Variants in UBE3A observed in about 807,000 individuals in gnomAD.
The protein encoded by UBE3A is ubiquitin protein ligase E3A.
In UBE3A, 6 loss-of-function variants were observed where a neutral mutation model predicts 83.4. The ratio of observed to expected loss-of-function variants is 0.07; its 90% confidence interval spans 0.04 to 0.14. The LOEUF (loss-of-function observed/expected upper bound fraction) is 0.14, where lower values mean the gene tolerates loss of function less well. Among genes scored for constraint, UBE3A ranks in the 10% least tolerant of loss-of-function variants. UBE3A has a pLI of 1.00. For synonymous variants in UBE3A, 337 were observed against 355.4 expected (o/e 0.95, Z 0.58); for missense variants, 456 against 1,036.1 (o/e 0.44, Z 7.69).
At chr15:25,377,422 T>C (rs1319262508) in intron 4 of UBE3A, among the ~76,000 whole-genome samples, 1 of 152,214 alleles carries the variant, frequency 6.6e-6, no homozygotes, top group African/African-American at 2.4e-5. Context: ...CATTTTGCTA[T>C]CTATGAAGCT....
intron 1 of UBE3A, among the ~76,000 whole-genome samples, chr15:25,420,285 A>G (rs761946680): frequency 1.3e-5 from 2 of 152,202 alleles, no homozygotes; most frequent in Non-Finnish European, 2.9e-5. Context: ...AAAGACATCA[A>G]TTAATCAAGG....
intron 11 of UBE3A, among the ~76,000 whole-genome samples, chr15:25,351,303 T>C (rs547633076): frequency 6.6e-6 from 1 of 152,160 alleles, no homozygotes; most frequent in East Asian, 1.9e-4. Context: ...GAAGGAGGAA[T>C]AAAGAATTCG....
chr15:25,398,802 TATATATATATATAAAAATAC>T (rs2086337085), intron 4 of UBE3A, among the ~76,000 whole-genome samples: 1 of 65,490 alleles, frequency 1.5e-5, no homozygotes, highest in Non-Finnish European at 3.4e-5. Flanking sequence ...TATATATATA[TATATATATATATAAAAATAC>T]ATATATATCC....
In UBE3A at chr15:25,402,104, T is replaced by C. The variant is rs1281107316; in HGVS notation, c.62+3357A>G. Among the ~76,000 whole-genome samples the C allele has an allele frequency of 2.0e-5, 3 of 152,230 alleles. No individual in the cohort carries two copies. In the East Asian group the frequency reaches 5.8e-4, roughly 29 times the overall value. On this transcript the variant is annotated intron_variant, in intron 4 of 12. Coordinates refer to ENST00000648336, the MANE Select transcript of UBE3A (RefSeq NM_130839.5). Reference sequence around the variant, plus strand: ...TTGACTGGTGTCACGTTTCCCTGACTGTTCTTGATCCCTGTAGTCATGTGT... The same window carrying C: ...TTGACTGGTGTCACGTTTCCCTGACCGTTCTTGATCCCTGTAGTCATGTGT...
intron 4 of UBE3A, among the ~76,000 whole-genome samples, chr15:25,383,855 A>C (rs2152912591): frequency 6.6e-6 from 1 of 152,280 alleles, no homozygotes; most frequent in East Asian, 1.9e-4. Flanking sequence ...GCAACTGGGC[A>C]AGAAAAAGAA....
intron 2 of UBE3A, 147 bp from the exon 3 acceptor site, chr15:25,409,354 A>G (rs1180196011): frequency 2.5e-6 from 1 of 392,790 alleles, no homozygotes; most frequent in Admixed American, 4.0e-5. Context: ...TTTAAGGACT[A>G]TTTTCCAGCA....
chr15:25,339,106 T>C lies in UBE3A; in HGVS notation c.*31A>G, dbSNP rs1298713879. On this transcript the variant is annotated 3_prime_UTR_variant, in exon 13 of 13. Coordinates refer to ENST00000648336, the MANE Select transcript of UBE3A (RefSeq NM_130839.5). ...AAATTTTTTCTTTTTTTTTCCTTCC[T>C]TTTTTTTGTTTTATTTTGTTTTGTT... The C allele has an allele frequency of 6.9e-6, 10 of 1,453,658 alleles. No individual in the cohort carries two copies. In the South Asian group the frequency reaches 1.4e-4, roughly 20 times the overall value. 90.0% of individuals were successfully genotyped at this position (1,453,658 alleles called of 1,614,324 possible).
At chr15:25,428,334 AAG>A (rs1485686602) in intron 1 of UBE3A, among the ~76,000 whole-genome samples, 2 of 152,214 alleles carry the variant, frequency 1.3e-5, no homozygotes, top group African/African-American at 4.8e-5. Flanking sequence ...GCAAATAACA[AAG>A]AGTAACAAAA....
At position 25,354,688 on chromosome 15, in the gene UBE3A, A is replaced by G; in HGVS notation, c.2125-5T>C. ...AGAATAAAGATTGACAAATTCCTGT[A>G]GAAAACATTAATCACAAGAACTTCT... On this transcript the variant is annotated splice_region_variant and splice_polypyrimidine_tract_variant and intron_variant, in intron 9 of 12. Coordinates refer to ENST00000648336, the MANE Select transcript of UBE3A (RefSeq NM_130839.5). 1 of 1,610,856 alleles carries G rather than the reference A, an allele frequency of 6.2e-7. No homozygotes were observed. The highest frequency in any genetic ancestry group is 8.5e-7 in the Non-Finnish European group (1 of 1,178,348).
Position 25,333,737 on chromosome 15 carries a change from A to G in UBE3A, c.*5400T>C, listed in dbSNP as rs2073831266. 6.6e-6 allele frequency: 1 copy of G among 152,208 alleles called. No homozygotes were observed. The highest frequency in any genetic ancestry group is 2.4e-5 in the African/African-American group (1 of 41,436). The allele number at this position is 152,208 out of a possible 1,614,324, so 9.4% of individuals were successfully genotyped here. ...ATACTAGCAAACCAAATCCAGCAGC[A>G]TAGAACAAGGTTTATGTAGCATGGA... On this transcript the variant is annotated 3_prime_UTR_variant, in exon 13 of 13. Coordinates refer to ENST00000648336, the MANE Select transcript of UBE3A (RefSeq NM_130839.5).
chr15:25,336,881 A>G lies in UBE3A; in HGVS notation c.*2256T>C, dbSNP rs1345961659. 4 of 152,192 alleles carry G rather than the reference A, an allele frequency of 2.6e-5. No individual in the cohort carries two copies. The highest frequency in any genetic ancestry group is 2.0e-4 in the Admixed American group (3 of 15,278). 9.4% of individuals were successfully genotyped at this position (152,192 alleles called of 1,614,324 possible). On this transcript the variant is annotated 3_prime_UTR_variant, in exon 13 of 13. Coordinates refer to ENST00000648336, the MANE Select transcript of UBE3A (RefSeq NM_130839.5). The stretch of plus-strand genomic sequence containing the variant: ...TGGGCAAAAAAAGTACTTTTATAAC[A>G]TAACATTTGGGGTAGAGGAAGTATC...
chr15:25,345,611 G>C (rs2075567200), intron 11 of UBE3A: 1 of 142,268 alleles, frequency 7.0e-6, no homozygotes, highest in East Asian at 1.9e-4. Context: ...TAACAGAACA[G>C]AGTGAAACAG....
chr15:25,343,780 A>C (rs901682306), intron 11 of UBE3A, among the ~76,000 whole-genome samples: 1 of 151,738 alleles, frequency 6.6e-6, no homozygotes, highest in Non-Finnish European at 1.5e-5. Context: ...AGTTTCTAAA[A>C]GTGAAGAAAA....
intron 6 of UBE3A, among the ~76,000 whole-genome samples, chr15:25,369,010 A>C (rs1366416094): frequency 6.6e-6 from 1 of 152,162 alleles, no homozygotes; most frequent in Non-Finnish European, 1.5e-5. Flanking sequence ...CCAAACATAA[A>C]GTATGTAGCT....
At chr15:25,374,580 T>C (rs748785467) in intron 5 of UBE3A, 1 of 152,268 alleles carries the variant, frequency 6.6e-6, no homozygotes, top group South Asian at 2.1e-4. Context: ...AATAATTTTA[T>C]TGTGGAAACA....
chr15:25,426,505 G>C (rs966212457), intron 1 of UBE3A, among the ~76,000 whole-genome samples: 15 of 152,226 alleles, frequency 9.9e-5, no homozygotes, highest in South Asian at 8.3e-4. Context: ...AAGAACTAAA[G>C]GTAGGTGGGT....
chr15:25,415,229 T>C (rs903084342), intron 1 of UBE3A, among the ~76,000 whole-genome samples: 6 of 152,212 alleles, frequency 3.9e-5, no homozygotes, highest in Admixed American at 1.3e-4. Context: ...ACTTTGCCAC[T>C]AGAATTATCT....
chr15:25,372,237 T>C (rs1448822476), intron 5 of UBE3A, among the ~76,000 whole-genome samples: 2 of 152,188 alleles, frequency 1.3e-5, no homozygotes, highest in African/African-American at 2.4e-5. Flanking sequence ...CTTGTTTCAG[T>C]ACTCTGTTCT....
At chr15:25,435,392 TG>T (rs755214974) in intron 1 of UBE3A, among the ~76,000 whole-genome samples, 10 of 152,206 alleles carry the variant, frequency 6.6e-5, no homozygotes, top group Non-Finnish European at 1.3e-4. Context: ...GATCATTTAC[TG>T]ATTTACCAAT....
Sources: gnomAD v4.1 joint callset for allele counts (sites outside exome capture counted in the v4.1 genomes callset) on GRCh38, gnomAD v4.1.1 for gene constraint, MANE v1.5 for transcripts, NCBI Gene and HGNC (gene_info 2026-07-23, HGNC 2026-07-21) for gene names.